The following PAH variants were observed in gnomAD, a reference collection of about 807,000 sequenced individuals.
The protein encoded by PAH is phenylalanine hydroxylase, also known as phenylalanine-4-hydroxylase.
PAH carries 64 observed loss-of-function variants against 62.0 expected under a neutral mutation model. The ratio of observed to expected loss-of-function variants is 1.03; its 90% confidence interval spans 0.84 to 1.27. The LOEUF (loss-of-function observed/expected upper bound fraction) is 1.27, where lower values mean the gene tolerates loss of function less well. PAH is among the 50% of genes most tolerant of loss of function. The pLI is 0.00. For missense variants in PAH, 579 were observed against 542.8 expected, an observed-to-expected ratio of 1.07 and a Z score of -0.66; for synonymous variants, 195 against 196.2, an observed-to-expected ratio of 0.99 and a Z score of 0.05.
intron 1 of PAH, among the ~76,000 whole-genome samples, chr12:102,942,008 G>C (rs1879309676): frequency 6.6e-6 from 1 of 151,962 alleles, no homozygotes; most frequent in South Asian, 2.1e-4. Context: ...TTGAGAACTG[G>C]AACAAGACAA....
chr12:102,956,664 G>T (rs1385854547), intron 1 of PAH, among the ~76,000 whole-genome samples: 1 of 152,128 alleles, frequency 6.6e-6, no homozygotes, highest in Non-Finnish European at 1.5e-5. Flanking sequence ...GAGTATCCCA[G>T]AGCACTCCCT....
At chr12:102,859,627 G>A (rs1276524503) in intron 5 of PAH, among the ~76,000 whole-genome samples, 2 of 152,148 alleles carry the variant, frequency 1.3e-5, no homozygotes, top group Admixed American at 6.6e-5. Flanking sequence ...TATCCACCAC[G>A]ATCAAGTGGG....
chr12:102,900,323 A>C (rs1397921082), intron 2 of PAH, among the ~76,000 whole-genome samples: 1 of 152,198 alleles, frequency 6.6e-6, no homozygotes, highest in Admixed American at 6.5e-5. Context: ...TGCCGGGATT[A>C]CAGGCGTGAG....
chr12:102,913,640 A>C (rs1878283420), intron 1 of PAH, among the ~76,000 whole-genome samples: 2 of 152,238 alleles, frequency 1.3e-5, no homozygotes, highest in African/African-American at 4.8e-5. Context: ...GACCTTTGGC[A>C]AAGATCTCAG....
At chr12:102,935,539 T>G (rs1879070266) in intron 1 of PAH, among the ~76,000 whole-genome samples, 1 of 152,084 alleles carries the variant, frequency 6.6e-6, no homozygotes. Flanking sequence ...CTTTTTTTGC[T>G]GGAAGACTTC....
chr12:102,847,011 C>T, intron 8 of PAH, 60 bp from the exon 9 acceptor site: 3 of 1,429,738 alleles, frequency 2.1e-6, no homozygotes, highest in Non-Finnish European at 3.0e-6. Context: ...CAGAACCAAC[C>T]TAGTACTTGG....
chr12:102,894,710 G>A (rs771754490), intron 3 of PAH, 25 bp downstream of exon 3: 37 of 1,591,752 alleles, frequency 2.3e-5, no homozygotes, highest in Admixed American at 1.0e-4. Context: ...AGTTACTTAT[G>A]TTGCAAAATT....
At chr12:102,861,555 A>G (rs1203333539) in intron 5 of PAH, among the ~76,000 whole-genome samples, 1 of 152,236 alleles carries the variant, frequency 6.6e-6, no homozygotes, top group African/African-American at 2.4e-5. Flanking sequence ...AGCACTATTC[A>G]TAATAGTAAA....
chr12:102,926,447 G>C (rs1254889350), intron 1 of PAH, among the ~76,000 whole-genome samples: 1 of 151,832 alleles, frequency 6.6e-6, no homozygotes, highest in African/African-American at 2.4e-5. Context: ...AAAGGAGAGA[G>C]GTGTAAGCTG....
chr12:102,932,200 T>G (rs1410238625), intron 1 of PAH, among the ~76,000 whole-genome samples: 1 of 151,298 alleles, frequency 6.6e-6, no homozygotes, highest in Non-Finnish European at 1.5e-5. Context: ...AAGCCTACCC[T>G]GCCCAACCAT....
chr12:102,900,677 AT>A (rs1877717027), intron 2 of PAH, among the ~76,000 whole-genome samples: 1 of 152,158 alleles, frequency 6.6e-6, no homozygotes, highest in Non-Finnish European at 1.5e-5. Context: ...CGTCTTTCTA[AT>A]TTACTAGTAT....
At chr12:102,893,538 C>G (rs2136699967) in intron 3 of PAH, among the ~76,000 whole-genome samples, 1 of 152,340 alleles carries the variant, frequency 6.6e-6, no homozygotes, top group Non-Finnish European at 1.5e-5. Context: ...ATAATAACAA[C>G]CACATGCTAT....
At chr12:102,933,921 G>T (rs977573859) in intron 1 of PAH, among the ~76,000 whole-genome samples, 3 of 151,928 alleles carry the variant, frequency 2.0e-5, no homozygotes, top group Non-Finnish European at 4.4e-5. Flanking sequence ...TGTTTCTTTT[G>T]TGGTGCAAAA....
intron 8 of PAH, among the ~76,000 whole-genome samples, chr12:102,848,497 AGGTT>A (rs1874983635): frequency 7.5e-6 from 1 of 133,404 alleles, no homozygotes; most frequent in African/African-American, 3.0e-5. Context: ...GAGACTGGAG[AGGTT>A]GAGGATAGAC....
intron 4 of PAH, among the ~76,000 whole-genome samples, chr12:102,873,145 T>A (rs1876424925): frequency 6.6e-6 from 1 of 152,210 alleles, no homozygotes; most frequent in Admixed American, 6.5e-5. Flanking sequence ...TGGGGGTCTA[T>A]GTGGCAGAGG....
chr12:102,846,331 C>T (rs1158330651), intron 9 of PAH, among the ~76,000 whole-genome samples: 1 of 152,168 alleles, frequency 6.6e-6, no homozygotes, highest in Non-Finnish European at 1.5e-5. Context: ...CCAGGACAGG[C>T]AATGTGGCTA....
chr12:102,889,549 C>CAGATAGAT (rs71097953), intron 3 of PAH, among the ~76,000 whole-genome samples: 1 of 143,210 alleles, frequency 7.0e-6, no homozygotes, highest in African/African-American at 2.5e-5. Context: ...GATAGATAGA[C>CAGATAGAT]AGATAGATAG....
intron 1 of PAH, among the ~76,000 whole-genome samples, chr12:102,939,004 G>A (rs1266438810): frequency 1.3e-5 from 2 of 152,170 alleles, no homozygotes; most frequent in East Asian, 3.9e-4. Flanking sequence ...CTCTTGGGTT[G>A]GGGAACGCAC....
chr12:102,912,510 CAT>C (rs1334152949), intron 2 of PAH, among the ~76,000 whole-genome samples: 1 of 152,100 alleles, frequency 6.6e-6, no homozygotes, highest in African/African-American at 2.4e-5. Flanking sequence ...CCTAATCACA[CAT>C]ATGATTAGGC....
Sources: gnomAD v4.1 joint callset for allele counts (sites outside exome capture counted in the v4.1 genomes callset) on GRCh38, gnomAD v4.1.1 for gene constraint, MANE v1.5 for transcripts, NCBI Gene and HGNC (gene_info 2026-07-23, HGNC 2026-07-21) for gene names.